The following SUGCT variants were observed in gnomAD, a reference collection of about 807,000 sequenced individuals.
The protein encoded by SUGCT is succinyl-CoA:glutarate-CoA transferase.
Under a neutral mutation model 55.0 loss-of-function variants are expected in SUGCT, and 41 were observed. That is an observed-to-expected ratio of 0.74 (90% CI 0.58 to 0.97). The LOEUF is 0.97. SUGCT is among the 50% of genes least tolerant of loss of function. The probability of loss-of-function intolerance (pLI) is 0.00; values close to 1 mark genes in which losing one functional copy is unlikely to be tolerated. For synonymous variants in SUGCT, 187 were observed against 200.4 expected (o/e 0.93, Z 0.56); for missense variants, 568 against 547.8 (o/e 1.04, Z -0.37).
At chr7:40,365,626 A>G (rs1238957811) in intron 9 of SUGCT, among the ~76,000 whole-genome samples, 1 of 151,862 alleles carries the variant, frequency 6.6e-6, no homozygotes, top group Non-Finnish European at 1.5e-5. Context: ...ATAACAGACA[A>G]ACAGAGAGCC....
chr7:40,624,811 ACG>A (rs750332941), intron 12 of SUGCT, among the ~76,000 whole-genome samples: 4,386 of 104,488 alleles, frequency 0.042, 108 homozygotes, highest in African/African-American at 0.11. Flanking sequence ...ACACACACAC[ACG>A]CACACCACAA....
chr7:40,290,881 C>T (rs555573263), intron 8 of SUGCT, among the ~76,000 whole-genome samples: 27 of 152,184 alleles, frequency 1.8e-4, no homozygotes, highest in Middle Eastern at 3.4e-3. Context: ...AAGACATTTA[C>T]GCAGCCAAAA....
Position 40,186,090 on chromosome 7 carries a change from T to TCTTCCTTCCTTCCTTCCTTC in SUGCT, c.227-2393_227-2374dup, listed in dbSNP as rs199961855. Among the ~76,000 whole-genome samples, 324 of 146,966 alleles carry TCTTCCTTCCTTCCTTCCTTC rather than the reference T, an allele frequency of 2.2e-3. 4 individuals carry two copies. The highest frequency in any genetic ancestry group is 8.0e-3 in the African/African-American group (301 of 37,840). On this transcript the variant is annotated intron_variant, in intron 3 of 13. Coordinates refer to ENST00000335693, the MANE Select transcript of SUGCT (RefSeq NM_001193313.2). ...TTTTCTTTCTTTCTTTCTCTCTTTT[T>TCTTCCTTCCTTCCTTCCTTC]CTTCCTTCCTTCCTTCCTTCCTTCC...
At chr7:40,677,126 A>G (rs1263691508) in intron 12 of SUGCT, among the ~76,000 whole-genome samples, 2 of 152,154 alleles carry the variant, frequency 1.3e-5, no homozygotes, top group Non-Finnish European at 2.9e-5. Flanking sequence ...AACAGGCAAC[A>G]GTTATAACAA....
chr7:40,576,708 T>C (rs898557927), intron 12 of SUGCT, among the ~76,000 whole-genome samples: 2 of 152,234 alleles, frequency 1.3e-5, no homozygotes, highest in African/African-American at 4.8e-5. Context: ...TGTTTTCAAA[T>C]ATTTTTCTTA....
intron 12 of SUGCT, among the ~76,000 whole-genome samples, chr7:40,610,288 A>C (rs1234246610): frequency 6.6e-6 from 1 of 152,248 alleles, no homozygotes; most frequent in Non-Finnish European, 1.5e-5. Context: ...AATCATTTAC[A>C]TCTGGGTCTC....
chr7:40,623,729 C>T (rs1380773110), intron 12 of SUGCT, among the ~76,000 whole-genome samples: 1 of 152,112 alleles, frequency 6.6e-6, no homozygotes, highest in Non-Finnish European at 1.5e-5. Flanking sequence ...CACTCATACA[C>T]ACACATACAC....
intron 13 of SUGCT, among the ~76,000 whole-genome samples, chr7:40,756,912 G>A (rs1306506736): frequency 6.6e-6 from 1 of 152,138 alleles, no homozygotes; most frequent in Admixed American, 6.6e-5. Context: ...AGAGATGAAA[G>A]GAAGTTTCTA....
At chr7:40,135,952 A>G (rs1294995209) in intron 1 of SUGCT, among the ~76,000 whole-genome samples, 2 of 149,310 alleles carry the variant, frequency 1.3e-5, no homozygotes, top group Non-Finnish European at 3.0e-5. Flanking sequence ...CTCTATGATT[A>G]TGCGCGCGGC....
Position 40,274,574 on chromosome 7 carries a change from AT to A in SUGCT, c.639del (p.Tyr213Ter), listed in dbSNP as rs1222258064. 8.7e-6 allele frequency: 14 copies of A among 1,613,792 alleles called. No homozygotes were observed. The highest frequency in any genetic ancestry group is 1.2e-5 in the Non-Finnish European group (14 of 1,179,752). On this transcript the variant is annotated frameshift_variant, in exon 8 of 14. Coordinates refer to ENST00000335693, the MANE Select transcript of SUGCT (RefSeq NM_001193313.2). LOFTEE classifies it high-confidence loss of function. ...GATCTTGCCACTGGCCTGTATGCAT[AT>A]GGAGCTATTATGGCTGGATTGATAC... is the stretch of plus-strand genomic sequence containing the variant. ...MTDLATGLYA[Y>X]GAIMAGLIQK...
chr7:40,937,071 G>C, the SUGCT span, among the ~76,000 whole-genome samples: 1 of 152,154 alleles, frequency 6.6e-6, no homozygotes, highest in Non-Finnish European at 1.5e-5. Flanking sequence ...GTATTCTGCT[G>C]TTGTTTGGTG....
chr7:40,404,108 A>G (rs1351918593), intron 9 of SUGCT, among the ~76,000 whole-genome samples: 1 of 152,204 alleles, frequency 6.6e-6, no homozygotes, highest in Non-Finnish European at 1.5e-5. Context: ...TCACTTAGGA[A>G]TGGAAGGAGA....
intron 9 of SUGCT, among the ~76,000 whole-genome samples, chr7:40,367,579 T>G (rs1163386761): frequency 6.6e-6 from 1 of 152,136 alleles, no homozygotes; most frequent in Admixed American, 6.5e-5. Context: ...GTTATTTTAC[T>G]TCCGTAAAAG....
At chr7:40,431,300 T>C (rs1276140217) in intron 9 of SUGCT, among the ~76,000 whole-genome samples, 2 of 152,140 alleles carry the variant, frequency 1.3e-5, no homozygotes, top group Non-Finnish European at 2.9e-5. Flanking sequence ...CTGGTCTGTG[T>C]GTCTGTTTTT....
the SUGCT span, among the ~76,000 whole-genome samples, chr7:40,951,778 A>C: frequency 6.6e-6 from 1 of 152,140 alleles, no homozygotes; most frequent in Non-Finnish European, 1.5e-5. Flanking sequence ...TGAGTTTCTT[A>C]ACCCTGAGTT....
At chr7:40,172,094 G>C (rs1784704732) in intron 1 of SUGCT, among the ~76,000 whole-genome samples, 1 of 152,130 alleles carries the variant, frequency 6.6e-6, no homozygotes, top group South Asian at 2.1e-4. Context: ...ATAGGAATGT[G>C]TGCCTCCCTT....
chr7:40,924,474 A>C, the SUGCT span, among the ~76,000 whole-genome samples: 1 of 152,158 alleles, frequency 6.6e-6, no homozygotes, highest in Non-Finnish European at 1.5e-5. Context: ...AGCTGGTCTC[A>C]AACTCCTGAG....
chr7:40,656,933 G>C (rs1032418541), intron 12 of SUGCT, among the ~76,000 whole-genome samples: 3 of 152,220 alleles, frequency 2.0e-5, no homozygotes, highest in African/African-American at 7.2e-5. Context: ...CCTGGTTACA[G>C]AGATACACTG....
At chr7:40,958,727 T>C in the SUGCT span, among the ~76,000 whole-genome samples, 8 of 152,088 alleles carry the variant, frequency 5.3e-5, no homozygotes, top group African/African-American at 1.9e-4. Flanking sequence ...TGTGATCCTT[T>C]GGAGGAGAGG....
Sources: gnomAD v4.1 joint callset for allele counts (sites outside exome capture counted in the v4.1 genomes callset) on GRCh38, gnomAD v4.1.1 for gene constraint, MANE v1.5 for transcripts, NCBI Gene and HGNC (gene_info 2026-07-23, HGNC 2026-07-21) for gene names.